Variants in C8orf34 observed in about 807,000 individuals in gnomAD.
C8orf34 encodes uncharacterized protein C8orf34.
Under a neutral mutation model 68.3 loss-of-function variants are expected in C8orf34, and 65 were observed. The ratio of observed to expected loss-of-function variants is 0.95; its 90% CI spans 0.78 to 1.17. The LOEUF is 1.17. Ranked by LOEUF, C8orf34 falls within the 50% of genes most tolerant of loss-of-function variation. C8orf34 has a pLI of 0.00. For missense variants in C8orf34, 664 were observed against 655.4 expected (o/e 1.01, Z -0.14); for synonymous variants, 244 against 241.2 (o/e 1.01, Z -0.11).
chr8:68,440,778 T>A (rs1165299504), intron 2 of C8orf34, among the ~76,000 whole-genome samples: 1 of 150,944 alleles, frequency 6.6e-6, no homozygotes, highest in African/African-American at 2.4e-5. Context: ...TAAATCAGTA[T>A]CTGGAGAGAA....
chr8:68,354,951 G>A (rs1022671901), intron 1 of C8orf34, among the ~76,000 whole-genome samples: 2 of 151,702 alleles, frequency 1.3e-5, no homozygotes, highest in African/African-American at 2.4e-5. Flanking sequence ...AGTAAACCAA[G>A]CATTGACTTG....
chr8:68,794,530 G>T (rs1447167489), intron 12 of C8orf34, among the ~76,000 whole-genome samples: 2 of 108,942 alleles, frequency 1.8e-5, no homozygotes, highest in East Asian at 2.3e-4. Flanking sequence ...TTTTAGACAG[G>T]CTCTTGCTCT....
At chr8:68,765,782 C>T (rs182951678) in intron 10 of C8orf34, among the ~76,000 whole-genome samples, 174 of 152,248 alleles carry the variant, frequency 1.1e-3, no homozygotes, top group Non-Finnish European at 2.0e-3. Flanking sequence ...TTCTCTAAAT[C>T]ACTTGTGTAA....
At chr8:68,748,606 C>T (rs1332625830) in intron 10 of C8orf34, among the ~76,000 whole-genome samples, 5 of 152,198 alleles carry the variant, frequency 3.3e-5, no homozygotes, top group Admixed American at 6.5e-5. Context: ...CAAAAGAAGA[C>T]ATTTATGCAG....
intron 7 of C8orf34, among the ~76,000 whole-genome samples, chr8:68,557,858 C>T (rs566992510): frequency 6.6e-6 from 1 of 152,248 alleles, no homozygotes; most frequent in East Asian, 1.9e-4. Context: ...TCTTTCCAGA[C>T]CAGGTGCCCA....
rs1811122043 is a variant in C8orf34, at chr8:68,446,337, G to A, written c.484G>A (p.Gly162Arg). 6.3e-7 allele frequency: 1 copy of A among 1,588,872 alleles called. No homozygotes were observed. Among genetic ancestry groups the A allele is most frequent in the Non-Finnish European group, 8.5e-7 (1 of 1,172,952 alleles). ...ATATTTTGTTTTAACAGAATCCAAA[G>A]GAACAAGAAGGGATTTCAGAAGCTA... ...WAESEKSESKGTRRDFRSYDK... is the reference protein window; with the variant it reads ...WAESEKSESKRTRRDFRSYDK... The change falls in exon 3 of 14, where the codon GGA becomes AGA. Residue 162 changes from glycine (G) to arginine (R), a missense_variant. Gly to Arg is a moderately radical substitution (Grantham distance 125). Transcript: ENST00000518698.
At chr8:68,817,287 G>C (rs906575162) in intron 13 of C8orf34, among the ~76,000 whole-genome samples, 14 of 152,140 alleles carry the variant, frequency 9.2e-5, no homozygotes, top group South Asian at 2.1e-4. Context: ...AGTAGTCAAA[G>C]GGTCAAGAGA....
chr8:68,483,743 G>T (rs747712055), intron 4 of C8orf34, among the ~76,000 whole-genome samples: 6 of 152,192 alleles, frequency 3.9e-5, no homozygotes, highest in Non-Finnish European at 5.9e-5. Context: ...TAAATTAAAT[G>T]ACACAGATGG....
chr8:68,331,486 A>C lies in C8orf34; in HGVS notation c.327+147A>C, dbSNP rs961916021. On this transcript the variant is annotated intron_variant, in intron 1 of 13. Transcript: ENST00000518698. Reference sequence around the variant, plus strand: ...AGAGGGCGCCCTGGGATTCACTGGCATTCGCTCTGTCCCGGCCAGGTGTCC... The same window carrying C: ...AGAGGGCGCCCTGGGATTCACTGGCCTTCGCTCTGTCCCGGCCAGGTGTCC... 3.4e-6 allele frequency: 3 copies of C among 872,626 alleles called. No homozygotes were observed. The African/African-American group carries it at 5.0e-5, about 14-fold the overall frequency. 54.1% of individuals were successfully genotyped at this position (872,626 alleles called of 1,614,324 possible).
intron 6 of C8orf34, among the ~76,000 whole-genome samples, chr8:68,527,176 G>A (rs1418048924): frequency 6.6e-6 from 1 of 152,138 alleles, no homozygotes; most frequent in Non-Finnish European, 1.5e-5. Context: ...TGTCCAGGAT[G>A]CCCCCTTTGT....
rs1359841729 is a variant in C8orf34, at chr8:68,452,223, T to C, written c.607+5763T>C. Among the ~76,000 whole-genome samples, 2 of 150,520 alleles carry C rather than the reference T, an allele frequency of 1.3e-5. 1 individual carries two copies. Among genetic ancestry groups the C allele is most frequent in the Non-Finnish European group, 3.0e-5 (2 of 67,646 alleles). ...ATTACCTTTTTCATTATTTGGATAA[T>C]AATTGATATTATATAATATAAATAA... is the stretch of plus-strand genomic sequence containing the variant. On this transcript the variant is annotated intron_variant, in intron 3 of 13. Transcript: ENST00000518698.
rs141094539 is a variant in C8orf34, at chr8:68,743,363, C to T, written c.1404+21926C>T. 5.7e-3 allele frequency among the ~76,000 whole-genome samples: 868 copies of T among 152,192 alleles called. 7 individuals are homozygous for T. The highest frequency in any genetic ancestry group is 0.02 in the African/African-American group (822 of 41,518). On this transcript the variant is annotated intron_variant, in intron 10 of 13. Coordinates refer to ENST00000518698, the MANE Select transcript of C8orf34 (RefSeq NM_052958.4). ...ATTATAAGATTTACAAGGGAGGAGC[C>T]AAGATGGCCGAATAGGAACAGCTCT...
chr8:68,687,214 C>A (rs571442536), intron 8 of C8orf34, among the ~76,000 whole-genome samples: 1 of 152,100 alleles, frequency 6.6e-6, no homozygotes, highest in South Asian at 2.1e-4. Context: ...AGATTCAATG[C>A]AATTCCTATT....
intron 7 of C8orf34, among the ~76,000 whole-genome samples, chr8:68,620,208 C>T (rs958135930): frequency 9.2e-5 from 14 of 152,138 alleles, no homozygotes; most frequent in Non-Finnish European, 1.9e-4. Flanking sequence ...CCCCCAGTTC[C>T]TGTGTGCTCT....
At chr8:68,682,009 C>T (rs1350897350) in intron 8 of C8orf34, among the ~76,000 whole-genome samples, 1 of 151,812 alleles carries the variant, frequency 6.6e-6, no homozygotes, top group Non-Finnish European at 1.5e-5. Flanking sequence ...AGGATGGTTG[C>T]CAGAGACTAA....
At chr8:68,575,344 T>G (rs1816870673) in intron 7 of C8orf34, among the ~76,000 whole-genome samples, 1 of 152,096 alleles carries the variant, frequency 6.6e-6, no homozygotes. Context: ...AATCATTCTT[T>G]TTGTCAGGCT....
intron 8 of C8orf34, among the ~76,000 whole-genome samples, chr8:68,658,756 C>T (rs934241462): frequency 4.6e-5 from 7 of 152,012 alleles, no homozygotes; most frequent in Non-Finnish European, 7.4e-5. Context: ...ACCAAATTAT[C>T]CCTTTATGTC....
intron 12 of C8orf34, among the ~76,000 whole-genome samples, chr8:68,805,727 C>A (rs930062740): frequency 6.6e-6 from 1 of 152,182 alleles, no homozygotes; most frequent in Admixed American, 6.5e-5. Flanking sequence ...ATATATCAGA[C>A]AATTCTCTTC....
At chr8:68,511,028 T>A (rs1005100732) in intron 5 of C8orf34, among the ~76,000 whole-genome samples, 6 of 152,192 alleles carry the variant, frequency 3.9e-5, no homozygotes, top group African/African-American at 1.4e-4. Flanking sequence ...GATTGACTCC[T>A]TAAAGGGAAG....
Sources: gnomAD v4.1 joint callset for allele counts (sites outside exome capture counted in the v4.1 genomes callset) on GRCh38, gnomAD v4.1.1 for gene constraint, MANE v1.5 for transcripts, NCBI Gene and HGNC (gene_info 2026-07-23, HGNC 2026-07-21) for gene names.